DLG2: variants seen among roughly 807,000 people sequenced by gnomAD.
The protein encoded by DLG2 is disks large homolog 2.
Under a neutral mutation model 132.5 loss-of-function variants are expected in DLG2, and 45 were observed. The observed-to-expected ratio is 0.34, with a 90% CI of 0.27 to 0.44. DLG2 has a LOEUF of 0.44. Ranked by LOEUF, DLG2 falls within the 20% of genes least tolerant of loss-of-function variation. The pLI is 1.00. For missense variants in DLG2, 1,045 were observed against 1,196.9 expected (o/e 0.87, Z 1.87); for synonymous variants, 424 against 419.6 (o/e 1.01, Z -0.13).
intron 6 of DLG2, among the ~76,000 whole-genome samples, chr11:84,948,700 T>A (rs1299743563): frequency 6.6e-6 from 1 of 152,330 alleles, no homozygotes; most frequent in South Asian, 2.1e-4. Context: ...TGGCCACCAA[T>A]ATAAACCTAA....
chr11:84,201,997 T>G lies in DLG2; in HGVS notation c.574-38486A>C, dbSNP rs911983659. Among the ~76,000 whole-genome samples the G allele has an allele frequency of 2.0e-5, 3 of 151,872 alleles. 1 individual carries two copies. The highest frequency in any genetic ancestry group is 6.8e-3 in the Middle Eastern group (2 of 294). ...CCACACCTGACTAATTTTTGTATTTTTAGTAGAGACTAGGTTTCACTATGT... is the reference window on the plus strand; with the variant it reads ...CCACACCTGACTAATTTTTGTATTTGTAGTAGAGACTAGGTTTCACTATGT... On this transcript the variant is annotated intron_variant, in intron 8 of 27. Transcript: ENST00000376104.
chr11:83,652,516 G>A (rs959567568), intron 18 of DLG2, among the ~76,000 whole-genome samples: 7 of 152,042 alleles, frequency 4.6e-5, no homozygotes, highest in South Asian at 2.1e-4. Context: ...AATTACAGGC[G>A]TGCACCACCA....
chr11:84,909,355 C>T (rs532641041), intron 6 of DLG2, among the ~76,000 whole-genome samples: 14 of 152,196 alleles, frequency 9.2e-5, no homozygotes, highest in African/African-American at 3.4e-4. Flanking sequence ...GAAAAGTCTG[C>T]AGTTCTGGAA....
At chr11:84,904,387 T>G (rs1376581129) in intron 6 of DLG2, among the ~76,000 whole-genome samples, 1 of 152,190 alleles carries the variant, frequency 6.6e-6, no homozygotes, top group Non-Finnish European at 1.5e-5. Context: ...TTCCAAAAAC[T>G]TCATAATGTT....
At chr11:83,703,001 G>A (rs1799544792) in intron 18 of DLG2, among the ~76,000 whole-genome samples, 1 of 152,146 alleles carries the variant, frequency 6.6e-6, no homozygotes, top group Non-Finnish European at 1.5e-5. Flanking sequence ...CAGTCCCCAG[G>A]GGGGAAAATA....
chr11:84,524,287 T>C (rs1466352277), intron 7 of DLG2, among the ~76,000 whole-genome samples: 1 of 152,218 alleles, frequency 6.6e-6, no homozygotes, highest in Non-Finnish European at 1.5e-5. Context: ...GCTGGTTCAG[T>C]CCTATGCCTA....
chr11:84,019,263 G>A (rs1246430641), intron 11 of DLG2, among the ~76,000 whole-genome samples: 2 of 152,028 alleles, frequency 1.3e-5, no homozygotes, highest in African/African-American at 2.4e-5. Context: ...TGTATTTCCA[G>A]GAGTTTGAGC....
chr11:84,373,265 C>CAAAAAAAAAAAAAAAAAAAACAA (rs59038372), intron 7 of DLG2, among the ~76,000 whole-genome samples: 1 of 98,090 alleles, frequency 1.0e-5, no homozygotes, highest in Non-Finnish European at 1.8e-5. Context: ...AAAAAAAAAA[C>CAAAAAAAAAAAAAAAAAAAACAA]AAAACAAAAA....
At chr11:83,602,454 G>A (rs1307906198) in intron 19 of DLG2, among the ~76,000 whole-genome samples, 3 of 152,192 alleles carry the variant, frequency 2.0e-5, no homozygotes, top group Non-Finnish European at 4.4e-5. Context: ...AAGGGTGGTT[G>A]GAAGTCCAAT....
At chr11:84,230,525 A>G (rs1297107453) in intron 8 of DLG2, among the ~76,000 whole-genome samples, 2 of 152,208 alleles carry the variant, frequency 1.3e-5, no homozygotes, top group African/African-American at 4.8e-5. Flanking sequence ...TGCATTGAGT[A>G]GCTGTGATTT....
At chr11:84,152,540 C>T (rs1221009319) in intron 9 of DLG2, among the ~76,000 whole-genome samples, 1 of 151,978 alleles carries the variant, frequency 6.6e-6, no homozygotes, top group African/African-American at 2.4e-5. Context: ...GCGCCCACCA[C>T]CATGCCCGGC....
chr11:83,931,094 A>G (rs934411842), intron 14 of DLG2, among the ~76,000 whole-genome samples: 3 of 152,202 alleles, frequency 2.0e-5, no homozygotes, highest in Non-Finnish European at 4.4e-5. Flanking sequence ...AAAATTTAAG[A>G]CTGCACATCT....
At chr11:84,450,054 G>A (rs2099047120) in intron 7 of DLG2, among the ~76,000 whole-genome samples, 1 of 151,722 alleles carries the variant, frequency 6.6e-6, no homozygotes, top group Admixed American at 6.6e-5. Context: ...AAAAATACCT[G>A]AGTCAGATAA....
chr11:84,510,235 T>C (rs1169193394), intron 7 of DLG2, among the ~76,000 whole-genome samples: 1 of 151,876 alleles, frequency 6.6e-6, no homozygotes, highest in South Asian at 2.1e-4. Flanking sequence ...AAGGAAAATA[T>C]AACATTTGAT....
At chr11:85,199,116 T>C (rs1030658214) in intron 4 of DLG2, among the ~76,000 whole-genome samples, 1 of 152,198 alleles carries the variant, frequency 6.6e-6, no homozygotes, top group East Asian at 1.9e-4. Flanking sequence ...TGTACAAAAA[T>C]GTTCAGAGCA....
rs2004608 is a variant in DLG2, at chr11:84,308,950, G to T, written c.520-57659C>A. Among the ~76,000 whole-genome samples the T allele has an allele frequency of 2.0e-5, 3 of 152,284 alleles. No individual in the cohort carries two copies. The South Asian group carries it at 6.2e-4, about 32-fold the overall frequency. On this transcript the variant is annotated intron_variant, in intron 7 of 27. Transcript: ENST00000376104. ...ACCTCTCTGCAAGCTGAGGGAGCCGGCTCCGGCCTTGGCCAGCCCAGAAAG... is the reference window on the plus strand; with the variant it reads ...ACCTCTCTGCAAGCTGAGGGAGCCGTCTCCGGCCTTGGCCAGCCCAGAAAG...
At chr11:84,401,322 T>C (rs2098828631) in intron 7 of DLG2, among the ~76,000 whole-genome samples, 1 of 152,144 alleles carries the variant, frequency 6.6e-6, no homozygotes, top group African/African-American at 2.4e-5. Context: ...AAAGTATTAT[T>C]ATACACTTTT....
At chr11:83,518,766 T>C (rs749542711) in intron 21 of DLG2, among the ~76,000 whole-genome samples, 6 of 152,226 alleles carry the variant, frequency 3.9e-5, no homozygotes, top group Admixed American at 1.3e-4. Flanking sequence ...TCTTAGCATA[T>C]ATATATGTAT....
chr11:84,506,595 C>A (rs529178307), intron 7 of DLG2, among the ~76,000 whole-genome samples: 1 of 152,168 alleles, frequency 6.6e-6, no homozygotes, highest in African/African-American at 2.4e-5. Flanking sequence ...AGAACATAGC[C>A]CTTCAGATAC....
Sources: gnomAD v4.1 joint callset for allele counts (sites outside exome capture counted in the v4.1 genomes callset) on GRCh38, gnomAD v4.1.1 for gene constraint, MANE v1.5 for transcripts, NCBI Gene and HGNC (gene_info 2026-07-23, HGNC 2026-07-21) for gene names.